AKAP12: variants seen among roughly 807,000 people sequenced by gnomAD.
AKAP12 encodes the protein A-kinase anchor protein 12.
Under a neutral mutation model 79.9 loss-of-function variants are expected in AKAP12, and 32 were observed. The ratio of observed to expected loss-of-function variants is 0.40; its 90% CI spans 0.30 to 0.54. The LOEUF is 0.54. Among genes scored for constraint, AKAP12 ranks in the 20% least tolerant of loss-of-function variants. The pLI, the probability that AKAP12 is intolerant of heterozygous loss-of-function variation, is 0.48. For missense variants in AKAP12, 2,074 were observed against 2,177.0 expected, an observed-to-expected ratio of 0.95 and a Z score of 0.94; for synonymous variants, 808 against 857.0, an observed-to-expected ratio of 0.94 and a Z score of 1.00.
At chr6:151,275,665 A>G (rs1776279784) in intron 2 of AKAP12, among the ~76,000 whole-genome samples, 2 of 152,236 alleles carry the variant, frequency 1.3e-5, no homozygotes, top group African/African-American at 4.8e-5. Context: ...TAAAAATGAG[A>G]AATCTTTTAC....
chr6:151,346,033 C>G (rs1778094581), intron 3 of AKAP12, among the ~76,000 whole-genome samples: 1 of 151,140 alleles, frequency 6.6e-6, no homozygotes, highest in South Asian at 2.1e-4. Flanking sequence ...CTGCTTTTTG[C>G]AGTCAAATCT....
At chr6:151,293,498 C>T (rs1044454403) in intron 2 of AKAP12, among the ~76,000 whole-genome samples, 1 of 152,130 alleles carries the variant, frequency 6.6e-6, no homozygotes, top group African/African-American at 2.4e-5. Context: ...TTAATTTGCC[C>T]AGGACAGCTG....
intron 2 of AKAP12, among the ~76,000 whole-genome samples, chr6:151,301,736 C>T (rs1397720900): frequency 6.6e-6 from 1 of 152,056 alleles, no homozygotes; most frequent in Non-Finnish European, 1.5e-5. Context: ...AGCTTGGGTA[C>T]CCTGGCGGGA....
rs1778200024 is a variant in AKAP12 at position 151,349,100 on chromosome 6, G to A, written c.709G>A (p.Glu237Lys). The A allele has an allele frequency of 6.2e-7, 1 of 1,612,424 alleles. No homozygotes were observed. The highest frequency in any genetic ancestry group is 8.5e-7 in the Non-Finnish European group (1 of 1,179,712). Residue 237 changes from glutamate (E) to lysine (K), a missense_variant, in exon 4 of 5, where the codon GAG (glutamate) becomes AAG (lysine). Glu to Lys is a moderately conservative substitution (Grantham distance 56). Around this residue, in one of 3 missense-constraint regions of AKAP12, gnomAD observed 1,428 missense variants for 1,451.0 expected, o/e 0.98. Transcript: ENST00000402676. The part of the protein sequence containing the change: ...SKESEPKQST[E>K]KPEETLKREQ... ...AGAAAGCGAACCCAAACAATCTACAGAGAAACCCGAAGAGACCCTGAAGCG... is the reference window on the plus strand; with the variant it reads ...AGAAAGCGAACCCAAACAATCTACAAAGAAACCCGAAGAGACCCTGAAGCG...
At chr6:151,263,275 TC>T (rs1307933887) in intron 2 of AKAP12, among the ~76,000 whole-genome samples, 1 of 151,872 alleles carries the variant, frequency 6.6e-6, no homozygotes, top group Admixed American at 6.6e-5. Flanking sequence ...GCTCAAGCAA[TC>T]CCCCTGCCTT....
At chr6:151,309,792 C>T (rs1688832068) in intron 3 of AKAP12, among the ~76,000 whole-genome samples, 1 of 152,020 alleles carries the variant, frequency 6.6e-6, no homozygotes, top group African/African-American at 2.4e-5. Flanking sequence ...TTAGCCTTGG[C>T]GAGCAGTCCC....
chr6:151,324,395 C>T (rs891477122), intron 3 of AKAP12: 3 of 985,366 alleles, frequency 3.0e-6, no homozygotes, highest in Non-Finnish European at 3.6e-6. Context: ...TCACTCTGGG[C>T]CCGAGTGTGG....
chr6:151,259,446 A>ATG, intron 2 of AKAP12, among the ~76,000 whole-genome samples: 1 of 148,680 alleles, frequency 6.7e-6, no homozygotes, highest in Non-Finnish European at 1.5e-5. Flanking sequence ...ATATATGTGT[A>ATG]TATATATACA....
intron 4 of AKAP12, among the ~76,000 whole-genome samples, chr6:151,354,868 CAG>C (rs2114836115): frequency 6.6e-6 from 1 of 152,094 alleles, no homozygotes; most frequent in South Asian, 2.1e-4. Flanking sequence ...TTTTTGCAGA[CAG>C]GGGTCTTGCT....
intron 2 of AKAP12, among the ~76,000 whole-genome samples, chr6:151,250,232 C>T (rs934669582): frequency 2.0e-5 from 3 of 152,070 alleles, no homozygotes; most frequent in Non-Finnish European, 2.9e-5. Flanking sequence ...GGCGTTGTGG[C>T]TCACGCGTGT....
chr6:151,298,979 T>A (rs184878471), intron 2 of AKAP12: 2 of 152,126 alleles, frequency 1.3e-5, no homozygotes, highest in African/African-American at 4.8e-5. Flanking sequence ...GGGGAAGATA[T>A]GAGGGAGGTA....
At chr6:151,243,570 A>G (rs777366877) in intron 2 of AKAP12, among the ~76,000 whole-genome samples, 3 of 152,186 alleles carry the variant, frequency 2.0e-5, no homozygotes, top group Non-Finnish European at 4.4e-5. Context: ...GGTTTTATCT[A>G]TGGTTCATTT....
chr6:151,350,200 A>C lies in AKAP12; in HGVS notation c.1809A>C (p.Lys603Asn). The change falls in exon 4 of 5, where the codon AAA becomes AAC. Residue 603 changes from lysine to asparagine, a missense_variant. This residue lies in a region of AKAP12 where 1,428 missense variants were observed against 1,451.0 expected (regional missense o/e 0.98). Coordinates refer to ENST00000402676, the MANE Select transcript of AKAP12 (RefSeq NM_005100.4). The surrounding 1 kb of genome is among the most constrained non-coding windows in gnomAD (Gnocchi z 4.8). ...EEGATSDGEK[K>N]REGVTPWASF... ...GAGCTACTTCCGATGGAGAGAAAAA[A>C]AGAGAAGGTGTCACTCCCTGGGCAT... The C allele has an allele frequency of 6.2e-7, 1 of 1,613,978 alleles. No individual in the cohort carries two copies. Among genetic ancestry groups the C allele is most frequent in the Non-Finnish European group, 8.5e-7 (1 of 1,179,982 alleles).
intron 2 of AKAP12, among the ~76,000 whole-genome samples, chr6:151,242,813 GTTCC>G (rs1271539457): frequency 1.3e-5 from 2 of 152,212 alleles, no homozygotes; most frequent in African/African-American, 2.4e-5. Context: ...GACCAACGGT[GTTCC>G]TTCATGCGTG....
chr6:151,324,647 G>A, intron 3 of AKAP12: 4 of 985,370 alleles, frequency 4.1e-6, no homozygotes, highest in Non-Finnish European at 4.8e-6. Flanking sequence ...TAGGGGAAGA[G>A]CTGGTGTTAA....
intron 3 of AKAP12, among the ~76,000 whole-genome samples, chr6:151,340,669 C>T (rs993521061): frequency 2.0e-5 from 3 of 151,792 alleles, no homozygotes; most frequent in Admixed American, 6.6e-5. Context: ...GCCTCATGGG[C>T]GAATACTCAA....
chr6:151,324,570 C>T, intron 3 of AKAP12: 1 of 985,342 alleles, frequency 1.0e-6, no homozygotes, highest in Non-Finnish European at 1.2e-6. Flanking sequence ...CTGCCCCAAG[C>T]AATAATGAAC....
chr6:151,301,002 C>T (rs73617443), intron 2 of AKAP12, among the ~76,000 whole-genome samples: 22,167 of 152,144 alleles, frequency 0.15, 1,868 homozygotes, highest in Middle Eastern at 0.23. Flanking sequence ...TAAAGCTATG[C>T]GAGGAAGCTT....
At chr6:151,275,689 C>G (rs1776280140) in intron 2 of AKAP12, among the ~76,000 whole-genome samples, 1 of 152,226 alleles carries the variant, frequency 6.6e-6, no homozygotes, top group African/African-American at 2.4e-5. Flanking sequence ...GGCATGATCA[C>G]TGGAAGGAGT....
Sources: allele counts gnomAD v4.1 joint callset (sites outside exome capture counted in the v4.1 genomes callset), GRCh38; gene constraint gnomAD v4.1.1; regional missense constraint gnomAD v4.1.1; non-coding constraint Gnocchi (gnomAD v3.1); transcripts MANE v1.5; gene names NCBI Gene and HGNC (gene_info 2026-07-23, HGNC 2026-07-21).